The following ATXN7L1 variants were observed in gnomAD, a reference collection of about 807,000 sequenced individuals.
ATXN7L1 encodes ataxin-7-like protein 1.
ATXN7L1 carries 15 observed loss-of-function variants against 70.8 expected under a neutral mutation model. The observed-to-expected ratio is 0.21, with a 90% confidence interval of 0.14 to 0.33. The LOEUF (loss-of-function observed/expected upper bound fraction) is 0.33. Ranked by LOEUF, ATXN7L1 falls within the 10% of genes least tolerant of loss-of-function variation. ATXN7L1 has a pLI of 1.00. For missense variants in ATXN7L1, 975 were observed against 1,097.1 expected, an observed-to-expected ratio of 0.89 and a Z score of 1.57; for synonymous variants, 440 against 445.1, an observed-to-expected ratio of 0.99 and a Z score of 0.14.
At chr7:105,765,627 C>G (rs1414151495) in intron 3 of ATXN7L1, among the ~76,000 whole-genome samples, 1 of 152,194 alleles carries the variant, frequency 6.6e-6, no homozygotes, top group Non-Finnish European at 1.5e-5. Flanking sequence ...AAATACTACT[C>G]TCCCCTAAAA....
intron 3 of ATXN7L1, among the ~76,000 whole-genome samples, chr7:105,716,905 A>G (rs1794630494): frequency 6.6e-6 from 1 of 152,070 alleles, no homozygotes; most frequent in African/African-American, 2.4e-5. Context: ...AAAAAAAAGA[A>G]AATTTAAAAA....
At chr7:105,872,554 T>C (rs1292897912) in intron 2 of ATXN7L1, among the ~76,000 whole-genome samples, 4 of 152,098 alleles carry the variant, frequency 2.6e-5, no homozygotes, top group African/African-American at 9.7e-5. Flanking sequence ...CGAAGTGAAA[T>C]AAACCAGATA....
chr7:105,873,990 T>C (rs749800776), intron 2 of ATXN7L1, among the ~76,000 whole-genome samples: 1 of 151,942 alleles, frequency 6.6e-6, no homozygotes, highest in Non-Finnish European at 1.5e-5. Flanking sequence ...CTGGGTGTGG[T>C]GGCACGTGCC....
chr7:105,719,156 A>G (rs995242910), intron 3 of ATXN7L1, among the ~76,000 whole-genome samples: 2 of 152,118 alleles, frequency 1.3e-5, no homozygotes, highest in Non-Finnish European at 2.9e-5. Flanking sequence ...GAAGCAAAGG[A>G]AAGAGAAAGA....
intron 2 of ATXN7L1, among the ~76,000 whole-genome samples, chr7:105,832,612 G>A (rs1811771237): frequency 6.6e-6 from 1 of 152,146 alleles, no homozygotes. Flanking sequence ...GAGTAGTTCT[G>A]GCCTCTTCCC....
At chr7:105,769,885 T>C (rs1478566354) in intron 3 of ATXN7L1, among the ~76,000 whole-genome samples, 2 of 152,196 alleles carry the variant, frequency 1.3e-5, no homozygotes, top group African/African-American at 2.4e-5. Flanking sequence ...CTGCATCAGA[T>C]TGTCACCTCT....
At chr7:105,779,267 G>A (rs1350975505) in intron 3 of ATXN7L1, among the ~76,000 whole-genome samples, 5 of 152,184 alleles carry the variant, frequency 3.3e-5, no homozygotes, top group Non-Finnish European at 7.3e-5. Context: ...TTAGGGTGAT[G>A]GCATGATTAA....
At chr7:105,720,677 C>A (rs1194636313) in intron 3 of ATXN7L1, among the ~76,000 whole-genome samples, 1 of 152,074 alleles carries the variant, frequency 6.6e-6, no homozygotes, top group African/African-American at 2.4e-5. Flanking sequence ...CAATATGTTG[C>A]CCAGGCTGGT....
At chr7:105,764,606 A>G (rs573626675) in intron 3 of ATXN7L1, among the ~76,000 whole-genome samples, 1 of 152,362 alleles carries the variant, frequency 6.6e-6, no homozygotes, top group Non-Finnish European at 1.5e-5. Context: ...ACTATTTGTC[A>G]GACATGGTGA....
intron 2 of ATXN7L1, among the ~76,000 whole-genome samples, chr7:105,792,911 G>T (rs1041315140): frequency 2.0e-5 from 3 of 152,186 alleles, no homozygotes. Context: ...TATCTCTCCA[G>T]ATTTGTGATG....
At chr7:105,731,577 T>C (rs1459616965) in intron 3 of ATXN7L1, among the ~76,000 whole-genome samples, 2 of 151,014 alleles carry the variant, frequency 1.3e-5, no homozygotes, top group African/African-American at 4.9e-5. Flanking sequence ...TGGGATTACA[T>C]GCACCCACCA....
At chr7:105,759,870 C>T (rs7802434) in intron 3 of ATXN7L1, among the ~76,000 whole-genome samples, 9,178 of 152,108 alleles carry the variant, frequency 0.06, 382 homozygotes, top group African/African-American at 0.11. Flanking sequence ...CCGCCCCCCC[C>T]AAAGATAGAA....
In ATXN7L1 at chr7:105,607,136, C is replaced by T. The variant is rs1396753865; in HGVS notation, c.*716G>A. The stretch of plus-strand genomic sequence containing the variant: ...AACCTGTTCTGGCCCCTGTCCCTGA[C>T]TGGTTTATCCTTTCTGAGCTGCACA... On this transcript the variant is annotated 3_prime_UTR_variant, in exon 12 of 12. Transcript: ENST00000419735. 6.6e-6 allele frequency: 1 copy of T among 152,440 alleles called. No individual in the cohort carries two copies. Among genetic ancestry groups the T allele is most frequent in the East Asian group, 1.9e-4 (1 of 5,196 alleles). 9.4% of individuals were successfully genotyped at this position (152,440 alleles called of 1,614,324 possible). A position where few individuals can be genotyped will look rare whatever the true frequency, so the allele number is the denominator to read the frequency against.
chr7:105,790,528 C>T (rs1733910852), intron 2 of ATXN7L1, among the ~76,000 whole-genome samples: 1 of 151,960 alleles, frequency 6.6e-6, no homozygotes, highest in Non-Finnish European at 1.5e-5. Flanking sequence ...CTGCAGTGAG[C>T]CATGATCACA....
intron 3 of ATXN7L1, among the ~76,000 whole-genome samples, chr7:105,713,376 C>G (rs528450225): frequency 1.3e-5 from 2 of 152,320 alleles, no homozygotes; most frequent in South Asian, 4.1e-4. Context: ...GCCACCATGG[C>G]TGGGGTCTGA....
chr7:105,855,806 T>C (rs1212298349), intron 2 of ATXN7L1, among the ~76,000 whole-genome samples: 1 of 152,218 alleles, frequency 6.6e-6, no homozygotes, highest in Non-Finnish European at 1.5e-5. Flanking sequence ...CAATTCAGAA[T>C]GACAACTATT....
intron 10 of ATXN7L1, among the ~76,000 whole-genome samples, chr7:105,611,518 C>T (rs901622671): frequency 5.3e-5 from 8 of 152,142 alleles, no homozygotes; most frequent in Non-Finnish European, 1.2e-4. Context: ...ATTACAGGCA[C>T]GTGCCACCCC....
intron 3 of ATXN7L1, among the ~76,000 whole-genome samples, chr7:105,773,476 C>A (rs17152107): frequency 0.17 from 25,958 of 152,110 alleles, 2,869 homozygotes; most frequent in East Asian, 0.3. Context: ...TATTTAATGG[C>A]TGTGGCACCT....
At chr7:105,863,499 G>A (rs776713057) in intron 2 of ATXN7L1, among the ~76,000 whole-genome samples, 1 of 152,236 alleles carries the variant, frequency 6.6e-6, no homozygotes, top group East Asian at 1.9e-4. Context: ...CACTCACTCC[G>A]CACTTGCAGA....
Sources: allele counts gnomAD v4.1 joint callset (sites outside exome capture counted in the v4.1 genomes callset), GRCh38; gene constraint gnomAD v4.1.1; transcripts MANE v1.5; gene names NCBI Gene and HGNC (gene_info 2026-07-23, HGNC 2026-07-21).